Variants in CORIN observed in about 807,000 individuals in gnomAD.
The protein encoded by CORIN is atrial natriuretic peptide-converting enzyme.
In CORIN, 117 loss-of-function variants were observed where a neutral mutation model predicts 125.3. The ratio of observed to expected loss-of-function variants is 0.93; its 90% CI spans 0.80 to 1.09. The LOEUF (loss-of-function observed/expected upper bound fraction) is 1.09, where lower values mean the gene tolerates loss of function less well. CORIN is among the 50% of genes least tolerant of loss of function. The probability of loss-of-function intolerance (pLI) is 0.00; values close to 1 mark genes in which losing one functional copy is unlikely to be tolerated. For synonymous variants in CORIN, 450 were observed against 466.4 expected (o/e 0.96, Z 0.45); for missense variants, 1,253 against 1,306.7 (o/e 0.96, Z 0.63).
chr4:47,782,076 C>T (rs73150671), intron 3 of CORIN, among the ~76,000 whole-genome samples: 14 of 152,066 alleles, frequency 9.2e-5, no homozygotes, highest in South Asian at 6.2e-4. Context: ...AAATGTCTGA[C>T]GCAAAAAATT....
chr4:47,597,242 C>T (rs1019101193), intron 21 of CORIN, among the ~76,000 whole-genome samples: 9 of 151,656 alleles, frequency 5.9e-5, no homozygotes, highest in East Asian at 1.9e-4. Flanking sequence ...ATCCCAGCTA[C>T]GCTGGAGGCT....
chr4:47,712,225 T>C (rs1002858222), intron 5 of CORIN, among the ~76,000 whole-genome samples: 1 of 152,084 alleles, frequency 6.6e-6, no homozygotes, highest in Non-Finnish European at 1.5e-5. Context: ...AATATAGTCA[T>C]AATATGACAC....
intron 15 of CORIN, among the ~76,000 whole-genome samples, chr4:47,642,399 A>G (rs886681845): frequency 6.6e-6 from 1 of 152,248 alleles, no homozygotes; most frequent in Non-Finnish European, 1.5e-5. Context: ...ATCTATTTCT[A>G]TCATTTCCTT....
At chr4:47,691,085 C>G (rs1254412906) in intron 6 of CORIN, among the ~76,000 whole-genome samples, 2 of 152,154 alleles carry the variant, frequency 1.3e-5, no homozygotes, top group African/African-American at 2.4e-5. Flanking sequence ...ACGTTGTTGA[C>G]AAGGAAAATT....
chr4:47,690,130 T>C (rs2109736406), intron 6 of CORIN, among the ~76,000 whole-genome samples: 1 of 152,282 alleles, frequency 6.6e-6, no homozygotes, highest in South Asian at 2.1e-4. Flanking sequence ...AATAAACAAT[T>C]ACCTCTGAAA....
rs1174648213 is a variant in CORIN, at chr4:47,600,298, A to G, written c.2862T>C (p.His954=). ...TCTTCATGTCAAAGTAGGACTGACA[A>G]TGTTCCAGAGAAATAATGCGGACCT... ...EGEVRIISLE[H]CQSYFDMKTI... is the part of the protein sequence containing the mutation. The change falls in exon 21 of 22, where the codon CAT becomes CAC. Residue 954 remains histidine (H), a synonymous_variant. Transcript: ENST00000273857. 6.2e-7 allele frequency: 1 copy of G among 1,613,656 alleles called. No homozygotes were observed. The highest frequency in any genetic ancestry group is 1.3e-5 in the African/African-American group (1 of 74,898).
intron 5 of CORIN, among the ~76,000 whole-genome samples, chr4:47,735,587 A>G (rs1413288416): frequency 2.6e-5 from 4 of 152,262 alleles, no homozygotes; most frequent in Non-Finnish European, 4.4e-5. Context: ...GATATTAGAG[A>G]GCCAATGTTT....
intron 13 of CORIN, 124 bp from the exon 14 acceptor site, chr4:47,645,318 G>C (rs1283989062): frequency 3.6e-6 from 2 of 562,922 alleles, no homozygotes. Context: ...GCTCATGCCT[G>C]TAATCCCAGC....
At chr4:47,618,341 A>AG (rs1722154225) in intron 19 of CORIN, among the ~76,000 whole-genome samples, 1 of 143,740 alleles carries the variant, frequency 7.0e-6, no homozygotes. Context: ...TCAAAAAAAA[A>AG]AAAGGAAAGG....
chr4:47,776,923 A>G (rs1336037381), intron 3 of CORIN, among the ~76,000 whole-genome samples: 1 of 152,246 alleles, frequency 6.6e-6, no homozygotes, highest in Non-Finnish European at 1.5e-5. Context: ...AGAAAACTTT[A>G]CAAAAAAAGT....
chr4:47,775,058 A>C (rs1172578884), intron 3 of CORIN, among the ~76,000 whole-genome samples: 1 of 152,190 alleles, frequency 6.6e-6, no homozygotes, highest in African/African-American at 2.4e-5. Context: ...CTTTGTTAAG[A>C]AGTTAGATTT....
In CORIN at chr4:47,674,384, T is replaced by G; in HGVS notation, c.1357+9A>C. On this transcript the variant is annotated intron_variant, in intron 10 of 21. Transcript: ENST00000273857. ...CATGGCTATTGCATTTGTCAGCTGT[T>G]GTACTTACTACAGTTATTCAGACTG... 1 of 1,570,236 alleles carries G rather than the reference T, an allele frequency of 6.4e-7. No homozygotes were observed. The highest frequency in any genetic ancestry group is 8.8e-7 in the Non-Finnish European group (1 of 1,140,092).
At chr4:47,663,204 G>A (rs981405907) in intron 11 of CORIN, among the ~76,000 whole-genome samples, 3 of 152,062 alleles carry the variant, frequency 2.0e-5, no homozygotes, top group African/African-American at 7.2e-5. Flanking sequence ...GTAGTGTTCA[G>A]CCATAGGTAG....
intron 2 of CORIN, among the ~76,000 whole-genome samples, chr4:47,805,150 A>G (rs1028527129): frequency 7.5e-6 from 1 of 134,136 alleles, no homozygotes; most frequent in African/African-American, 2.7e-5. Flanking sequence ...AAAAAAAAAA[A>G]TAATAATAAT....
chr4:47,622,928 G>T (rs12332008), intron 19 of CORIN, among the ~76,000 whole-genome samples: 40,826 of 151,580 alleles, frequency 0.27, 5,640 homozygotes, highest in Admixed American at 0.35. Context: ...ACTCTTCCTC[G>T]GAGCCAATCC....
At chr4:47,780,577 T>TG (rs1164623815) in intron 3 of CORIN, among the ~76,000 whole-genome samples, 2 of 151,778 alleles carry the variant, frequency 1.3e-5, no homozygotes, top group African/African-American at 4.8e-5. Context: ...GTGAAAACAC[T>TG]GGGAAAAAAA....
intron 16 of CORIN, among the ~76,000 whole-genome samples, chr4:47,636,343 G>A (rs919618454): frequency 2.1e-4 from 32 of 152,160 alleles, no homozygotes; most frequent in African/African-American, 5.8e-4. Flanking sequence ...AATACCAGAT[G>A]TTTCAACTGA....
intron 3 of CORIN, among the ~76,000 whole-genome samples, chr4:47,781,295 G>A (rs73150667): frequency 5.7e-4 from 87 of 152,270 alleles, no homozygotes; most frequent in African/African-American, 2.0e-3. Context: ...ACTTATGATG[G>A]TTTGACTTTT....
chr4:47,791,574 G>A (rs368375639), intron 2 of CORIN, among the ~76,000 whole-genome samples: 28 of 152,076 alleles, frequency 1.8e-4, no homozygotes, highest in Admixed American at 9.8e-4. Context: ...ATAATTAATC[G>A]TTTGACAGAG....
Sources: allele counts gnomAD v4.1 joint callset (sites outside exome capture counted in the v4.1 genomes callset), GRCh38; gene constraint gnomAD v4.1.1; transcripts MANE v1.5; gene names NCBI Gene and HGNC (gene_info 2026-07-23, HGNC 2026-07-21).